Variants in FMNL2 observed in about 807,000 individuals in gnomAD.
FMNL2 encodes the protein formin-like protein 2.
In FMNL2, 51 loss-of-function variants were observed where a neutral mutation model predicts 130.2. The observed-to-expected ratio is 0.39, with a 90% confidence interval of 0.31 to 0.49. The LOEUF is 0.49. FMNL2 is among the 20% of genes least tolerant of loss of function. The pLI is 0.85. For missense variants in FMNL2, 977 were observed against 1,316.2 expected (o/e 0.74, Z 3.99); for synonymous variants, 465 against 467.1 (o/e 1.00, Z 0.06).
intron 1 of FMNL2, among the ~76,000 whole-genome samples, chr2:152,349,416 A>T (rs1457847697): frequency 6.6e-6 from 1 of 152,202 alleles, no homozygotes; most frequent in African/African-American, 2.4e-5. Flanking sequence ...GCCACTACCC[A>T]ATCCTGGGGG....
chr2:152,631,513 G>A (rs1302385107), intron 20 of FMNL2, among the ~76,000 whole-genome samples: 2 of 152,202 alleles, frequency 1.3e-5, no homozygotes, highest in Non-Finnish European at 2.9e-5. Context: ...TTAATGGCAG[G>A]TAATGATTAC....
At chr2:152,398,022 C>A (rs1203352575) in intron 1 of FMNL2, among the ~76,000 whole-genome samples, 4 of 152,094 alleles carry the variant, frequency 2.6e-5, no homozygotes, top group Non-Finnish European at 5.9e-5. Flanking sequence ...CCTTGGGAGG[C>A]TGAGGCGGGA....
intron 1 of FMNL2, among the ~76,000 whole-genome samples, chr2:152,507,788 T>C (rs887617303): frequency 1.3e-5 from 2 of 152,172 alleles, no homozygotes; most frequent in Non-Finnish European, 2.9e-5. Flanking sequence ...GGGAGATCTT[T>C]TTGTTCTCAT....
intron 5 of FMNL2, among the ~76,000 whole-genome samples, chr2:152,559,043 T>A (rs1695383551): frequency 6.6e-6 from 1 of 152,194 alleles, no homozygotes; most frequent in South Asian, 2.1e-4. Context: ...AAATCACTCT[T>A]AAAGGAGCCC....
intron 1 of FMNL2, among the ~76,000 whole-genome samples, chr2:152,469,371 C>CA (rs1404492860): frequency 6.6e-6 from 1 of 152,228 alleles, no homozygotes; most frequent in African/African-American, 2.4e-5. Flanking sequence ...TGAGAAGTGA[C>CA]ACAGCTATTG....
intron 9 of FMNL2, among the ~76,000 whole-genome samples, chr2:152,602,740 G>A (rs776583790): frequency 3.3e-5 from 5 of 152,180 alleles, no homozygotes; most frequent in South Asian, 2.1e-4. Context: ...TGATGTACAC[G>A]TGCAAATATG....
intron 1 of FMNL2, among the ~76,000 whole-genome samples, chr2:152,364,668 A>G (rs1028728277): frequency 2.0e-5 from 3 of 152,206 alleles, no homozygotes; most frequent in Non-Finnish European, 1.5e-5. Context: ...ATTAACTCAG[A>G]TCTTGGAATT....
At chr2:152,374,940 C>T (rs1186034735) in intron 1 of FMNL2, among the ~76,000 whole-genome samples, 27 of 152,198 alleles carry the variant, frequency 1.8e-4, no homozygotes, top group Admixed American at 1.8e-3. Flanking sequence ...TTTGTCCCTG[C>T]TCCCTGCTAG....
At chr2:152,380,765 C>A (rs1579525294) in intron 1 of FMNL2, among the ~76,000 whole-genome samples, 1 of 152,148 alleles carries the variant, frequency 6.6e-6, no homozygotes, top group African/African-American at 2.4e-5. Flanking sequence ...TTGCAGGTGT[C>A]TGTGGAGTTT....
At chr2:152,371,763 G>T (rs1048367044) in intron 1 of FMNL2, among the ~76,000 whole-genome samples, 1 of 151,038 alleles carries the variant, frequency 6.6e-6, no homozygotes, top group Non-Finnish European at 1.5e-5. Context: ...TGCATGAATT[G>T]ATCCATTCAT....
intron 1 of FMNL2, among the ~76,000 whole-genome samples, chr2:152,488,443 A>G (rs529281697): frequency 2.6e-5 from 4 of 152,292 alleles, no homozygotes; most frequent in Non-Finnish European, 5.9e-5. Context: ...CAAAAGTTCT[A>G]TTTTTCCAAG....
intron 5 of FMNL2, among the ~76,000 whole-genome samples, chr2:152,559,280 A>T (rs1203545440): frequency 1.3e-5 from 2 of 152,182 alleles, no homozygotes; most frequent in Non-Finnish European, 2.9e-5. Flanking sequence ...GGGAGAGGTA[A>T]CAGGAGGCTG....
chr2:152,336,567 C>T (rs1160600439), intron 1 of FMNL2, among the ~76,000 whole-genome samples: 2 of 152,196 alleles, frequency 1.3e-5, no homozygotes, highest in African/African-American at 2.4e-5. Context: ...AAACTCCCCT[C>T]TTTCTCCCTT....
chr2:152,617,444 C>T (rs1559012955), intron 13 of FMNL2, among the ~76,000 whole-genome samples: 1 of 152,212 alleles, frequency 6.6e-6, no homozygotes, highest in Non-Finnish European at 1.5e-5. Flanking sequence ...AGTGTTTTCC[C>T]ATCTGGAGGA....
intron 1 of FMNL2, among the ~76,000 whole-genome samples, chr2:152,363,978 T>G (rs557524930): frequency 1.2e-4 from 19 of 152,300 alleles, no homozygotes; most frequent in Non-Finnish European, 1.8e-4. Flanking sequence ...TTTTTTGTTG[T>G]TGGTGGTGGT....
chr2:152,617,007 A>C (rs12693415), intron 12 of FMNL2, 84 bp from the exon 13 acceptor site: 398,523 of 1,158,364 alleles, frequency 0.34, 73,920 homozygotes, highest in African/African-American at 0.64. Flanking sequence ...GGTCCCTAAT[A>C]ATCTTGGAGC....
intron 1 of FMNL2, among the ~76,000 whole-genome samples, chr2:152,376,174 C>A (rs959105202): frequency 6.6e-6 from 1 of 152,234 alleles, no homozygotes; most frequent in Middle Eastern, 3.4e-3. Flanking sequence ...GGATTACAGG[C>A]ATGAGCCACT....
intron 2 of FMNL2, among the ~76,000 whole-genome samples, chr2:152,532,912 T>C (rs1006206172): frequency 6.6e-6 from 1 of 152,134 alleles, no homozygotes; most frequent in Non-Finnish European, 1.5e-5. Flanking sequence ...CTGGCCTCTT[T>C]TGCCTATTTT....
At chr2:152,375,850 G>GCTCTCTCTCTCT (rs71394477) in intron 1 of FMNL2, among the ~76,000 whole-genome samples, 168 of 100,546 alleles carry the variant, frequency 1.7e-3, no homozygotes, top group African/African-American at 5.3e-3. Context: ...AGCCATTGAA[G>GCTCTCTCTCTCT]CTCTCTCTCT....
Sources: allele counts gnomAD v4.1 joint callset (sites outside exome capture counted in the v4.1 genomes callset), GRCh38; gene constraint gnomAD v4.1.1; transcripts MANE v1.5; gene names NCBI Gene and HGNC (gene_info 2026-07-23, HGNC 2026-07-21).